Variants in TMEM50B observed in about 807,000 individuals in gnomAD.
The protein encoded by TMEM50B is transmembrane protein 50B.
TMEM50B carries 14 observed loss-of-function variants against 23.4 expected under a neutral mutation model. The observed-to-expected ratio is 0.60, with a 90% CI of 0.39 to 0.93. TMEM50B has a LOEUF of 0.93. Ranked by LOEUF, TMEM50B falls within the 40% of genes least tolerant of loss-of-function variation. The pLI, the probability that TMEM50B is intolerant of heterozygous loss-of-function variation, is 0.00. For missense variants in TMEM50B, 159 were observed against 193.0 expected, an observed-to-expected ratio of 0.82 and a Z score of 1.04; for synonymous variants, 64 against 62.3, an observed-to-expected ratio of 1.03 and a Z score of -0.13.
At chr21:33,455,931 A>C in intron 5 of TMEM50B, 147 bp from the exon 6 acceptor site, 2 of 720,334 alleles carry the variant, frequency 2.8e-6, no homozygotes, top group South Asian at 3.0e-5. Flanking sequence ...TGAAACTGAA[A>C]GAAGAAAATG....
At chr21:33,459,279 C>T (rs1278321215) in intron 5 of TMEM50B, among the ~76,000 whole-genome samples, 1 of 152,180 alleles carries the variant, frequency 6.6e-6, no homozygotes. Flanking sequence ...GTAATAAGAG[C>T]TCATCCCACT....
intron 1 of TMEM50B, among the ~76,000 whole-genome samples, chr21:33,477,835 A>T (rs1438125070): frequency 2.0e-5 from 3 of 149,614 alleles, no homozygotes; most frequent in African/African-American, 7.4e-5. Context: ...ATATATACAT[A>T]AGTTAAAAAT....
downstream of TMEM50B, chr21:33,448,927 C>T (rs1040186543): frequency 6.6e-6 from 1 of 150,910 alleles, no homozygotes; most frequent in Non-Finnish European, 1.5e-5. Context: ...AAAAAAAATT[C>T]ATGGCAGAGT....
At chr21:33,455,983 G>C (rs766280256) in intron 5 of TMEM50B, 199 bp from the exon 6 acceptor site, 25 of 706,024 alleles carry the variant, frequency 3.5e-5, no homozygotes, top group Non-Finnish European at 1.1e-5. Flanking sequence ...TCTTACTCTG[G>C]ATAAAAGTCA....
chr21:33,464,578 G>C (rs1294787498), intron 4 of TMEM50B, among the ~76,000 whole-genome samples: 1 of 149,136 alleles, frequency 6.7e-6, no homozygotes, highest in African/African-American at 2.4e-5. Context: ...GGCCAAGGTG[G>C]GTGGATCACC....
chr21:33,456,573 G>A (rs1328486800), intron 5 of TMEM50B, among the ~76,000 whole-genome samples: 1 of 152,302 alleles, frequency 6.6e-6, no homozygotes, highest in East Asian at 1.9e-4. Context: ...TGGAGAAGAT[G>A]AAGAAACTGG....
downstream of TMEM50B, among the ~76,000 whole-genome samples, chr21:33,446,244 T>A (rs28483882): frequency 0.54 from 67,615 of 124,944 alleles, 16,806 homozygotes; most frequent in African/African-American, 0.72. Flanking sequence ...TTTTTTATTT[T>A]TTATTTTTTT....
intron 3 of TMEM50B, 65 bp from the exon 4 acceptor site, chr21:33,465,474 A>G (rs1441576906): frequency 3.2e-6 from 4 of 1,257,532 alleles, no homozygotes; most frequent in African/African-American, 1.5e-5. Context: ...AAATATTTAT[A>G]TAACACTTAG....
chr21:33,443,051 T>C (rs1056929642), intron 7 of TMEM50B, among the ~76,000 whole-genome samples: 7 of 152,226 alleles, frequency 4.6e-5, no homozygotes, highest in Non-Finnish European at 8.8e-5. Flanking sequence ...GTTTCATTTC[T>C]ACATTCAGGT....
At chr21:33,453,669 G>A (rs1033951943) in intron 6 of TMEM50B, among the ~76,000 whole-genome samples, 3 of 151,990 alleles carry the variant, frequency 2.0e-5, no homozygotes, top group Non-Finnish European at 4.4e-5. Context: ...ACAGTACATC[G>A]TAATCAAATT....
At chr21:33,446,001 C>T (rs920883371), downstream of TMEM50B, among the ~76,000 whole-genome samples, 5 of 152,060 alleles carry the variant, frequency 3.3e-5, no homozygotes, top group Admixed American at 6.6e-5. Flanking sequence ...AGAATCCCAG[C>T]GCCCAAACCA....
rs375949015 is a variant in TMEM50B at position 33,475,368 on chromosome 21, G to A, written c.-42+4470C>T. On this transcript the variant is annotated intron_variant, in intron 1 of 6. Transcript: ENST00000542230. ...AAATTATTACTATTTTTTTTTGGGAGATGGAGTCTCGCTCTGTCGCCCAGG... is the reference window on the plus strand; with the variant it reads ...AAATTATTACTATTTTTTTTTGGGAAATGGAGTCTCGCTCTGTCGCCCAGG... 1.6e-4 allele frequency among the ~76,000 whole-genome samples: 25 copies of A among 151,856 alleles called. No homozygotes were observed. In the East Asian group the frequency reaches 2.9e-3, roughly 18 times the overall value.
rs2084110326 is a variant in TMEM50B, at chr21:33,450,597, T to C, written c.*221A>G. ...CTCAGGAATAAAAAACTGATACTCA[T>C]TATCCAATTCATATAGTCTTGTATT... is the stretch of plus-strand genomic sequence containing the variant. On this transcript the variant is annotated 3_prime_UTR_variant, in exon 7 of 7. Transcript: ENST00000542230. 2.4e-6 allele frequency: 1 copy of C among 411,018 alleles called. No individual in the cohort carries two copies. The allele number at this position is 411,018 out of a possible 1,614,324, so 25.5% of individuals were successfully genotyped here.
chr21:33,474,417 G>A (rs941425113), intron 1 of TMEM50B, among the ~76,000 whole-genome samples: 17 of 151,228 alleles, frequency 1.1e-4, no homozygotes, highest in Non-Finnish European at 1.5e-4. Flanking sequence ...CCAAACCTGC[G>A]CTAAGAAAGA....
rs2084101751 is a variant in TMEM50B, at chr21:33,449,903, A to G, written c.*915T>C. 1 of 152,644 alleles carries G rather than the reference A, an allele frequency of 6.6e-6. No homozygotes were observed. The highest frequency in any genetic ancestry group is 2.4e-5 in the African/African-American group (1 of 41,452). 9.5% of individuals were successfully genotyped at this position (152,644 alleles called of 1,614,324 possible). ...CTGCCTTACACAGTCTTTTTACAGT[A>G]ACCATAAAAAACTGAGTTTATTTGA... On this transcript the variant is annotated 3_prime_UTR_variant, in exon 7 of 7. Coordinates refer to ENST00000542230, the MANE Select transcript of TMEM50B (RefSeq NM_006134.7).
intron 7 of TMEM50B, among the ~76,000 whole-genome samples, chr21:33,443,213 G>T (rs941735874): frequency 2.6e-5 from 4 of 152,134 alleles, no homozygotes; most frequent in African/African-American, 9.7e-5. Flanking sequence ...ATTTTGCCTG[G>T]CATAAAATTC....
Position 33,449,724 on chromosome 21 carries a change from T to C in TMEM50B, c.*1094A>G, listed in dbSNP as rs2084099801. 1 of 152,574 alleles carries C rather than the reference T, an allele frequency of 6.6e-6. No homozygotes were observed. Among genetic ancestry groups the C allele is most frequent in the Non-Finnish European group, 1.5e-5 (1 of 68,050 alleles). The allele number at this position is 152,574 out of a possible 1,614,324, so 9.5% of individuals were successfully genotyped here. On this transcript the variant is annotated 3_prime_UTR_variant, in exon 7 of 7. Coordinates refer to ENST00000542230, the MANE Select transcript of TMEM50B (RefSeq NM_006134.7). ...TGGGAAGAAGTGCTTTATCTTTAAT[T>C]ATTCCACTTTTTGTTAAATGGTTCA...
At chr21:33,441,533 G>A in intron 7 of TMEM50B, among the ~76,000 whole-genome samples, 1 of 149,210 alleles carries the variant, frequency 6.7e-6, no homozygotes, top group Non-Finnish European at 1.5e-5. Context: ...TAGACAGGCA[G>A]TTGTTGGGCA....
chr21:33,466,866 G>A (rs952531544), intron 3 of TMEM50B, 144 bp downstream of exon 3: 16 of 576,790 alleles, frequency 2.8e-5, no homozygotes, highest in African/African-American at 3.8e-5. Context: ...AAAAAAAATC[G>A]TAATAAAATG....
Sources: gnomAD v4.1 joint callset for allele counts (sites outside exome capture counted in the v4.1 genomes callset) on GRCh38, gnomAD v4.1.1 for gene constraint, MANE v1.5 for transcripts, NCBI Gene and HGNC (gene_info 2026-07-23, HGNC 2026-07-21) for gene names.